ZZZ3: variants seen among roughly 807,000 people sequenced by gnomAD.
The protein encoded by ZZZ3 is zinc finger ZZ-type containing 3.
Under a neutral mutation model 95.2 loss-of-function variants are expected in ZZZ3, and 22 were observed. The observed-to-expected ratio is 0.23, with a 90% CI of 0.17 to 0.33. The LOEUF (loss-of-function observed/expected upper bound fraction) is 0.33, where lower values mean the gene tolerates loss of function less well. ZZZ3 is among the 10% of genes least tolerant of loss of function. The pLI is 1.00. For synonymous variants in ZZZ3, 335 were observed against 358.9 expected, an observed-to-expected ratio of 0.93 and a Z score of 0.75; for missense variants, 885 against 1,066.5, an observed-to-expected ratio of 0.83 and a Z score of 2.37.
At chr1:77,631,791 T>C in intron 5 of ZZZ3, 59 bp downstream of exon 5, 1 of 1,370,014 alleles carries the variant, frequency 7.3e-7, no homozygotes, top group South Asian at 1.5e-5. Context: ...GAATAGATAC[T>C]GAAAAACTTG....
chr1:77,577,509 G>C (rs773442597), intron 11 of ZZZ3, among the ~76,000 whole-genome samples: 1 of 152,004 alleles, frequency 6.6e-6, no homozygotes, highest in Non-Finnish European at 1.5e-5. Context: ...AGCTTCCAAA[G>C]CTCGGTTAAA....
chr1:77,667,642 T>C (rs370072831), intron 1 of ZZZ3, among the ~76,000 whole-genome samples: 5 of 152,190 alleles, frequency 3.3e-5, no homozygotes, highest in Admixed American at 2.6e-4. Flanking sequence ...GAATGCTCTA[T>C]TAAGTGAATG....
At position 77,632,688 on chromosome 1, in the gene ZZZ3, T is replaced by G. The variant is rs780027688; in HGVS notation, c.667A>C (p.Asn223His). 6.2e-7 allele frequency: 1 copy of G among 1,614,180 alleles called. No individual in the cohort carries two copies. ...GAACCAATGCTATTTTGTTTAGTGT[T>G]CCCATCAGGCTGACAGTCATCACAG... The part of the protein sequence containing the change: ...INCDDCQPDG[N>H]TKQNSIGSYV... Residue 223 changes from asparagine to histidine, a missense_variant, in exon 5 of 15, where the codon AAC becomes CAC. By Grantham distance (68) the Asn-to-His change is moderately conservative. Around this residue, in one of 5 missense-constraint regions of ZZZ3, gnomAD observed 556 missense variants for 652.9 expected, o/e 0.85. Coordinates refer to ENST00000370801, the MANE Select transcript of ZZZ3 (RefSeq NM_015534.6).
chr1:77,584,298 C>T (rs971144474), intron 6 of ZZZ3, among the ~76,000 whole-genome samples: 1 of 152,070 alleles, frequency 6.6e-6, no homozygotes, highest in Non-Finnish European at 1.5e-5. Flanking sequence ...ATACAAATAT[C>T]CAATAAAAGC....
intron 1 of ZZZ3, among the ~76,000 whole-genome samples, chr1:77,665,776 C>T (rs1216168624): frequency 6.6e-6 from 1 of 151,948 alleles, no homozygotes; most frequent in Non-Finnish European, 1.5e-5. Flanking sequence ...GGTGTGGTGG[C>T]TCATACCTGT....
chr1:77,605,566 A>G (rs1354980424), intron 5 of ZZZ3, among the ~76,000 whole-genome samples: 1 of 152,186 alleles, frequency 6.6e-6, no homozygotes, highest in African/African-American at 2.4e-5. Flanking sequence ...CAGGCAACAC[A>G]GCTCGTGACC....
At chr1:77,569,814 A>G (rs1376443438) in intron 12 of ZZZ3, among the ~76,000 whole-genome samples, 1 of 152,080 alleles carries the variant, frequency 6.6e-6, no homozygotes, top group Non-Finnish European at 1.5e-5. Context: ...TGAAATTTCT[A>G]ATCACTATTC....
chr1:77,669,804 T>C (rs981586737), intron 1 of ZZZ3, among the ~76,000 whole-genome samples: 3 of 151,986 alleles, frequency 2.0e-5, no homozygotes, highest in African/African-American at 4.8e-5. Flanking sequence ...TTAAAGTCTA[T>C]AGGTTGGTTT....
intron 13 of ZZZ3, 49 bp downstream of exon 13, chr1:77,568,283 T>C: frequency 1.4e-6 from 2 of 1,426,320 alleles, no homozygotes; most frequent in Non-Finnish European, 1.9e-6. Context: ...TGTCTCTAAA[T>C]AAATAAATAA....
At chr1:77,609,613 T>C (rs1665584375) in intron 5 of ZZZ3, among the ~76,000 whole-genome samples, 1 of 152,108 alleles carries the variant, frequency 6.6e-6, no homozygotes, top group African/African-American at 2.4e-5. Flanking sequence ...AAAAGGGTCA[T>C]TTTTGAGGAC....
At chr1:77,631,235 T>C (rs1180043237) in intron 5 of ZZZ3, among the ~76,000 whole-genome samples, 5 of 152,200 alleles carry the variant, frequency 3.3e-5, no homozygotes, top group Admixed American at 1.3e-4. Context: ...ATATTTAGTA[T>C]CAGGAAAAGC....
At position 77,598,355 on chromosome 1, in the gene ZZZ3, C is replaced by A. The variant is rs551392441; in HGVS notation, c.1506-13700G>T. The stretch of plus-strand genomic sequence containing the variant: ...TCCTAAAGGTCTTCATCTTCATTAT[C>A]CTCACATTGAATAGGCTGAGGAGAA... On this transcript the variant is annotated intron_variant, in intron 5 of 14. Coordinates refer to ENST00000370801, the MANE Select transcript of ZZZ3 (RefSeq NM_015534.6). 3.3e-5 allele frequency among the ~76,000 whole-genome samples: 5 copies of A among 152,152 alleles called. No homozygotes were observed. In the South Asian group the frequency reaches 8.3e-4, roughly 25 times the overall value.
At chr1:77,599,572 G>A (rs1380523479) in intron 5 of ZZZ3, among the ~76,000 whole-genome samples, 1 of 151,932 alleles carries the variant, frequency 6.6e-6, no homozygotes, top group East Asian at 1.9e-4. Context: ...CATTGGGACA[G>A]TTAACCTACA....
intron 5 of ZZZ3, among the ~76,000 whole-genome samples, chr1:77,602,730 C>G (rs921528957): frequency 6.6e-6 from 1 of 151,606 alleles, no homozygotes; most frequent in Non-Finnish European, 1.5e-5. Context: ...CTCAGCCTCC[C>G]CAGTAGCTGG....
At chr1:77,617,756 C>A (rs974629402) in intron 5 of ZZZ3, among the ~76,000 whole-genome samples, 2 of 146,602 alleles carry the variant, frequency 1.4e-5, no homozygotes, top group African/African-American at 5.1e-5. Context: ...CAAGCCAACA[C>A]GTGAAACCCT....
In ZZZ3 at chr1:77,571,084, A is replaced by G. The variant is rs566926507; in HGVS notation, c.2332-2618T>C. ...AATGCTATACACTAATAAATAAGTG[A>G]CCCGAATAATTAGATAATATAGTAA... On this transcript the variant is annotated intron_variant, in intron 12 of 14. Transcript: ENST00000370801. Among the ~76,000 whole-genome samples the G allele has an allele frequency of 3.3e-5, 5 of 152,250 alleles. No individual in the cohort carries two copies. The East Asian group carries it at 9.7e-4, about 29-fold the overall frequency.
intron 1 of ZZZ3, among the ~76,000 whole-genome samples, chr1:77,663,578 A>G (rs976683558): frequency 6.6e-6 from 1 of 152,172 alleles, no homozygotes; most frequent in African/African-American, 2.4e-5. Flanking sequence ...TAAGGCCAAC[A>G]TTGTAAATGT....
At chr1:77,568,639 G>T (rs1225971550) in intron 12 of ZZZ3, among the ~76,000 whole-genome samples, 173 bp from the exon 13 acceptor site, 2 of 131,108 alleles carry the variant, frequency 1.5e-5, no homozygotes, top group Non-Finnish European at 1.6e-5. Flanking sequence ...AATGCTTTTG[G>T]ACTTTTTTTT....
Position 77,632,761 on chromosome 1 carries a change from G to T in ZZZ3, c.594C>A (p.Gly198=). The T allele has an allele frequency of 6.2e-7, 1 of 1,614,180 alleles. No homozygotes were observed. The highest frequency in any genetic ancestry group is 2.2e-5 in the East Asian group (1 of 44,882). ...LNSAVVEEIT[G]YLAVNGVDDS... is the part of the protein sequence containing the mutation. ...CATCAACACCATTGACAGCCAAATA[G>T]CCTGTGATTTCTTCAACTACTGCAG... Residue 198 remains glycine, a synonymous_variant, in exon 5 of 15, where the codon GGC becomes GGA. Coordinates refer to ENST00000370801, the MANE Select transcript of ZZZ3 (RefSeq NM_015534.6).
Sources: gnomAD v4.1 joint callset for allele counts (sites outside exome capture counted in the v4.1 genomes callset) on GRCh38, gnomAD v4.1.1 for gene constraint, gnomAD v4.1.1 regional missense constraint, MANE v1.5 for transcripts, NCBI Gene and HGNC (gene_info 2026-07-23, HGNC 2026-07-21) for gene names.